LONP2: variants seen among roughly 807,000 people sequenced by gnomAD.
The protein encoded by LONP2 is lon protease homolog 2, peroxisomal.
A neutral mutation model predicts 85.6 loss-of-function variants in LONP2; 60 were observed. The ratio of observed to expected loss-of-function variants is 0.70; its 90% CI spans 0.57 to 0.87. The LOEUF (loss-of-function observed/expected upper bound fraction) is 0.87, where lower values mean the gene tolerates loss of function less well. Among genes scored for constraint, LONP2 ranks in the 40% least tolerant of loss-of-function variants. The probability of loss-of-function intolerance (pLI) is 0.00; values close to 1 mark genes in which losing one functional copy is unlikely to be tolerated. For missense variants in LONP2, 860 were observed against 1,063.5 expected (o/e 0.81, Z 2.66); for synonymous variants, 395 against 389.7 (o/e 1.01, Z -0.16).
At chr16:48,307,387 A>C (rs536277053) in intron 11 of LONP2, among the ~76,000 whole-genome samples, 5 of 152,344 alleles carry the variant, frequency 3.3e-5, no homozygotes, top group Non-Finnish European at 5.9e-5. Context: ...TTTGCCAAGA[A>C]AGACACAAAT....
rs367680790 is a variant in LONP2 at position 48,299,561 on chromosome 16, G to A, written c.1535-101G>A. 581 of 1,305,442 alleles carry A rather than the reference G, an allele frequency of 4.5e-4. 5 individuals carry two copies. The South Asian group carries it at 7.9e-3, about 18-fold the overall frequency. 80.9% of individuals were successfully genotyped at this position (1,305,442 alleles called of 1,614,324 possible). ...CACGCCACTGCACTGCAGCCTGGGC[G>A]ACAGAGCAAGACTCTGTCTCTAAAA... On this transcript the variant is annotated intron_variant, in intron 9 of 14. Transcript: ENST00000285737.
At position 48,244,436 on chromosome 16, in the gene LONP2, GCT is replaced by G; in HGVS notation, c.50_51del (p.Leu17HisfsTer48). On this transcript the variant is annotated frameshift_variant, in exon 1 of 15. Transcript: ENST00000285737. LOFTEE classifies it high-confidence loss of function. ...IQIPSRLPLL[L>X]THEGVLLPGS... ...AGATCCCCAGTCGCCTCCCGCTGCT[GCT>G]CACCCACGAGGGCGTCCTGCTGCCC... The G allele has an allele frequency of 6.3e-7, 1 of 1,593,586 alleles. No individual in the cohort carries two copies. The highest frequency in any genetic ancestry group is 8.5e-7 in the Non-Finnish European group (1 of 1,174,606).
Position 48,348,243 on chromosome 16 carries a change from G to A in LONP2, c.2290G>A (p.Asp764Asn). Residue 764 changes from aspartate (D) to asparagine (N), a missense_variant, in exon 14 of 15, where the codon GAT becomes AAT. Asp to Asn is a conservative substitution (Grantham distance 23). Coordinates refer to ENST00000285737, the MANE Select transcript of LONP2 (RefSeq NM_031490.5). ...SLFSGRLVRSDVAMTGEITLR... is the reference protein window; with the variant it reads ...SLFSGRLVRSNVAMTGEITLR... ...TTTTAGTGGGCGGCTGGTACGTTCA[G>A]ATGTAGCCATGACTGGAGAAATTAC... 6.2e-7 allele frequency: 1 copy of A among 1,600,032 alleles called. No individual in the cohort carries two copies. The highest frequency in any genetic ancestry group is 8.5e-7 in the Non-Finnish European group (1 of 1,174,614).
intron 7 of LONP2, among the ~76,000 whole-genome samples, chr16:48,275,245 A>G (rs868596364): frequency 6.6e-6 from 1 of 152,108 alleles, no homozygotes; most frequent in African/African-American, 2.4e-5. Context: ...TCCCCATCTT[A>G]TAGGTGAGGA....
At position 48,353,026 on chromosome 16, in the gene LONP2, G is replaced by A. The variant is rs1284891587; in HGVS notation, c.*1224G>A. 4.6e-5 allele frequency: 7 copies of A among 152,134 alleles called. No individual in the cohort carries two copies. The highest frequency in any genetic ancestry group is 8.8e-5 in the Non-Finnish European group (6 of 68,028). The allele number at this position is 152,134 out of a possible 1,614,324, so 9.4% of individuals were successfully genotyped here. ...GGCTGTGTGAACTTTTTGTATCTTG[G>A]TTTTCTTCATCCATGAAATCCAAGT... is the stretch of plus-strand genomic sequence containing the variant. On this transcript the variant is annotated 3_prime_UTR_variant, in exon 15 of 15. Transcript: ENST00000285737.
At chr16:48,279,147 C>T (rs1181606518) in intron 8 of LONP2, among the ~76,000 whole-genome samples, 1 of 152,080 alleles carries the variant, frequency 6.6e-6, no homozygotes, top group East Asian at 1.9e-4. Flanking sequence ...AAAAAAATTA[C>T]TTCTCTTTAA....
At position 48,253,299 on chromosome 16, in the gene LONP2, G is replaced by A. The variant is rs116440202; in HGVS notation, c.468+934G>A. On this transcript the variant is annotated intron_variant, in intron 2 of 14. Transcript: ENST00000285737. ...AGCCTAGGCAGCATGGTGAGATCCC[G>A]TCTCTACAAAATGTACAAAAATTAG... Among the ~76,000 whole-genome samples the A allele has an allele frequency of 4.3e-3, 660 of 151,860 alleles. 6 individuals are homozygous for A. Among genetic ancestry groups the A allele is most frequent in the African/African-American group, 0.015 (631 of 41,410 alleles).
chr16:48,360,964 G>C (rs2151043001), downstream of LONP2: 1 of 151,922 alleles, frequency 6.6e-6, no homozygotes, highest in Admixed American at 6.6e-5. Flanking sequence ...AGAAAATATT[G>C]AACACGTTAT....
chr16:48,323,703 T>G (rs1419692505), intron 11 of LONP2, among the ~76,000 whole-genome samples: 1 of 151,300 alleles, frequency 6.6e-6, no homozygotes, highest in Non-Finnish European at 1.5e-5. Context: ...CTCACAGTCA[T>G]AACTTCCATC....
intron 9 of LONP2, among the ~76,000 whole-genome samples, chr16:48,296,588 A>G (rs1033336090): frequency 6.6e-6 from 1 of 151,992 alleles, no homozygotes; most frequent in Non-Finnish European, 1.5e-5. Context: ...TTAGCCTGGC[A>G]TGGTGGCGGG....
At chr16:48,289,924 G>A (rs1376768350) in intron 8 of LONP2, among the ~76,000 whole-genome samples, 1 of 152,036 alleles carries the variant, frequency 6.6e-6, no homozygotes, top group Non-Finnish European at 1.5e-5. Context: ...ACATATATTT[G>A]ATGTATTCAA....
downstream of LONP2, chr16:48,361,556 G>A: frequency 6.2e-7 from 1 of 1,605,510 alleles, no homozygotes; most frequent in South Asian, 1.1e-5. Context: ...TTAAACACTG[G>A]CCAGAAAATG....
chr16:48,284,109 A>G (rs911565333), intron 8 of LONP2, among the ~76,000 whole-genome samples: 6 of 152,066 alleles, frequency 3.9e-5, no homozygotes, highest in African/African-American at 1.4e-4. Flanking sequence ...CTGCAATCTC[A>G]TGGTAAAACT....
chr16:48,245,745 TAATAA>T (rs369887758), intron 1 of LONP2, among the ~76,000 whole-genome samples: 67 of 152,352 alleles, frequency 4.4e-4, no homozygotes, highest in African/African-American at 1.6e-3. Context: ...TACTTGGGGT[TAATAA>T]AATGTTAAGA....
In LONP2 at chr16:48,348,227, G is replaced by A. The variant is rs1212265648; in HGVS notation, c.2274G>A (p.Gly758=). The change falls in exon 14 of 15, where the codon GGG becomes GGA. Residue 758 remains glycine, a synonymous_variant. Transcript: ENST00000285737. ...CCTGTCTCGCCTCACTTTTTAGTGG[G>A]CGGCTGGTACGTTCAGATGTAGCCA... ...IVTCLASLFS[G]RLVRSDVAMT... is the part of the protein sequence containing the mutation. The A allele has an allele frequency of 6.2e-7, 1 of 1,611,928 alleles. No individual in the cohort carries two copies. Among genetic ancestry groups the A allele is most frequent in the Admixed American group, 1.7e-5 (1 of 59,356 alleles).
At chr16:48,335,662 T>C (rs1959624205) in intron 12 of LONP2, among the ~76,000 whole-genome samples, 1 of 152,236 alleles carries the variant, frequency 6.6e-6, no homozygotes, top group Admixed American at 6.5e-5. Flanking sequence ...ACATTTGAAA[T>C]CATTACCAGT....
chr16:48,314,116 G>A (rs1177044069), intron 11 of LONP2, among the ~76,000 whole-genome samples: 1 of 150,994 alleles, frequency 6.6e-6, no homozygotes. Context: ...TTTGAGAAGT[G>A]TCTGTTCATG....
chr16:48,285,700 A>G (rs1356179501), intron 8 of LONP2, among the ~76,000 whole-genome samples: 1 of 152,076 alleles, frequency 6.6e-6, no homozygotes, highest in East Asian at 1.9e-4. Flanking sequence ...TTTATTATTT[A>G]TCTTTGTTTA....
At chr16:48,332,525 A>G (rs1328900616) in intron 11 of LONP2, among the ~76,000 whole-genome samples, 2 of 152,168 alleles carry the variant, frequency 1.3e-5, no homozygotes, top group African/African-American at 4.8e-5. Context: ...CAGCCTGGCC[A>G]ACATGCTGAA....
Sources: allele counts gnomAD v4.1 joint callset (sites outside exome capture counted in the v4.1 genomes callset), GRCh38; gene constraint gnomAD v4.1.1; transcripts MANE v1.5; gene names NCBI Gene and HGNC (gene_info 2026-07-23, HGNC 2026-07-21).